RPS13: variants seen among roughly 807,000 people sequenced by gnomAD.
RPS13 encodes the protein ribosomal protein S13.
A neutral mutation model predicts 24.6 loss-of-function variants in RPS13; 1 was observed. The observed-to-expected ratio is 0.04, with a 90% confidence interval of 0.01 to 0.19. The LOEUF is 0.19. RPS13 is among the 10% of genes least tolerant of loss of function. RPS13 has a pLI of 1.00. For missense variants in RPS13, 88 were observed against 187.4 expected (o/e 0.47, Z 3.10); for synonymous variants, 69 against 65.3 (o/e 1.06, Z -0.27).
chr11:17,075,236 A>C (rs1447712308), intron 4 of RPS13, 39 bp from the exon 5 acceptor site: 1 of 1,380,114 alleles, frequency 7.2e-7, no homozygotes, highest in South Asian at 1.2e-5. Flanking sequence ...AAAACCACCC[A>C]AAATGACCTA....
rs919439622 is a variant in RPS13 at position 17,077,100 on chromosome 11, C to G, written c.151+68G>C. On this transcript the variant is annotated intron_variant, in intron 3 of 5. Coordinates refer to ENST00000525634, the MANE Select transcript of RPS13 (RefSeq NM_001017.3). ...TTTGGCTATTTTTAAAATAACTTTACCACCTACTAGATCCTACAAGTCACA... is the reference window on the plus strand; with the variant it reads ...TTTGGCTATTTTTAAAATAACTTTAGCACCTACTAGATCCTACAAGTCACA... 4 of 1,196,604 alleles carry G rather than the reference C, an allele frequency of 3.3e-6. No homozygotes were observed. The African/African-American group carries it at 6.0e-5, about 18-fold the overall frequency. The allele number at this position is 1,196,604 out of a possible 1,614,324, so 74.1% of individuals were successfully genotyped here.
intron 3 of RPS13, chr11:17,075,854 C>G (rs1437223401): frequency 1.6e-6 from 1 of 638,658 alleles, no homozygotes; most frequent in Non-Finnish European, 2.9e-6. Flanking sequence ...TGTTGGAAAA[C>G]CATCATCACA....
chr11:17,074,891 A>G lies in RPS13; in HGVS notation c.422+206T>C, dbSNP rs1848003041. 1.2e-5 allele frequency: 7 copies of G among 605,946 alleles called. No homozygotes were observed. The South Asian group carries it at 1.4e-4, about 12-fold the overall frequency. 37.5% of individuals were successfully genotyped at this position (605,946 alleles called of 1,614,324 possible). A position where few individuals can be genotyped will look rare whatever the true frequency, so the allele number is the denominator to read the frequency against. On this transcript the variant is annotated intron_variant, in intron 5 of 5. Transcript: ENST00000525634. ...GGCCCTCTGCTTGTCTTTATTAAAGACAAGCAGCCACACCCATTCGATTAT... is the reference window on the plus strand; with the variant it reads ...GGCCCTCTGCTTGTCTTTATTAAAGGCAAGCAGCCACACCCATTCGATTAT...
At chr11:17,077,362 G>T in intron 2 of RPS13, 67 bp downstream of exon 2, 2 of 1,588,806 alleles carry the variant, frequency 1.3e-6, no homozygotes, top group Non-Finnish European at 1.7e-6. Flanking sequence ...TCACCCTGGC[G>T]TCGCTTCACC....
In RPS13 at chr11:17,074,588, A is replaced by G. The variant is rs573441346; in HGVS notation, c.423-122T>C. 1.2e-5 allele frequency: 10 copies of G among 802,842 alleles called. No individual in the cohort carries two copies. The South Asian group carries it at 1.5e-4, about 12-fold the overall frequency. 49.7% of individuals were successfully genotyped at this position (802,842 alleles called of 1,614,324 possible). On this transcript the variant is annotated intron_variant, in intron 5 of 5. Transcript: ENST00000525634. The stretch of plus-strand genomic sequence containing the variant: ...AACAGTTAATAAATCCAAACTATAT[A>G]AAGTGCACCAAACTTCTGAATACCT...
chr11:17,076,615 A>G, intron 3 of RPS13: 1 of 384,452 alleles, frequency 2.6e-6, no homozygotes, highest in South Asian at 1.9e-5. Flanking sequence ...TGGCTTCATC[A>G]TAGCTCACTG....
In RPS13 at chr11:17,075,541, C is replaced by T. The variant is rs1848012715; in HGVS notation, c.234G>A (p.Lys78=). Residue 78 remains lysine (K), a synonymous_variant, in exon 4 of 6, where the codon AAG becomes AAA. Coordinates refer to ENST00000525634, the MANE Select transcript of RPS13 (RefSeq NM_001017.3). ...GNKILRILKS[K]GLAPDLPEDL... ...CTTCAGGAAGATCAGGAGCAAGTCC[C>T]TTAGACTTAAGAATTCTTAAAATTT... 5 of 1,608,736 alleles carry T rather than the reference C, an allele frequency of 3.1e-6. No individual in the cohort carries two copies. The highest frequency in any genetic ancestry group is 4.2e-6 in the Non-Finnish European group (5 of 1,177,420).
intron 5 of RPS13, 138 bp from the exon 6 acceptor site, chr11:17,074,604 C>T (rs1201976071): frequency 2.7e-6 from 2 of 735,566 alleles, no homozygotes; most frequent in South Asian, 3.0e-5. Flanking sequence ...CACCAAACTT[C>T]TGAATACCTG....
At chr11:17,074,686 A>G (rs1847998643) in intron 5 of RPS13, 2 of 702,094 alleles carry the variant, frequency 2.8e-6, no homozygotes, top group South Asian at 3.0e-5. Context: ...ACTGGCCAAC[A>G]TAAGGAAAAA....
chr11:17,074,693 A>G, intron 5 of RPS13: 1 of 700,116 alleles, frequency 1.4e-6, no homozygotes, highest in Non-Finnish European at 2.6e-6. Flanking sequence ...AACATAAGGA[A>G]AAACATTTCT....
At chr11:17,077,597 C>A (rs1848040093) in intron 1 of RPS13, 22 bp downstream of exon 1, 1 of 1,015,470 alleles carries the variant, frequency 9.8e-7, no homozygotes, top group Non-Finnish European at 1.4e-6. Context: ...CCCAGCAATC[C>A]GGCTTGATGC....
chr11:17,074,641 T>C (rs965451399), intron 5 of RPS13, 175 bp from the exon 6 acceptor site: 2 of 714,668 alleles, frequency 2.8e-6, no homozygotes, highest in East Asian at 2.7e-5. Flanking sequence ...TCAAGCACAA[T>C]GAATGAAGAT....
chr11:17,074,840 G>A, intron 5 of RPS13: 2 of 641,436 alleles, frequency 3.1e-6, no homozygotes, highest in Non-Finnish European at 5.7e-6. Flanking sequence ...GCTTATTCAT[G>A]GTCTAAATCT....
In RPS13 at chr11:17,077,608, C is replaced by T; in HGVS notation, c.23+11G>A. ...CCCGCCCAGCAATCCGGCTTGATGCCCCGAGCTCACCCGGGAGCATGCATG... is the reference window on the plus strand; with the variant it reads ...CCCGCCCAGCAATCCGGCTTGATGCTCCGAGCTCACCCGGGAGCATGCATG... On this transcript the variant is annotated intron_variant, in intron 1 of 5. Transcript: ENST00000525634. The T allele has an allele frequency of 6.9e-7, 1 of 1,441,078 alleles. No individual in the cohort carries two copies. Among genetic ancestry groups the T allele is most frequent in the Non-Finnish European group, 9.4e-7 (1 of 1,061,216 alleles). The allele number at this position is 1,441,078 out of a possible 1,614,324, so 89.3% of individuals were successfully genotyped here. A position where few individuals can be genotyped will look rare whatever the true frequency, so the allele number is the denominator to read the frequency against.
Position 17,075,487 on chromosome 11 carries a change from A to G in RPS13, c.288T>C (p.Val96=), listed in dbSNP as rs185336922. The part of the protein sequence containing the change: ...EDLYHLIKKA[V]AVRKHLERNR... ...TCCTCTCAAGATGCTTTCGAACAGC[A>G]ACTGCTTTCTTAATTAAATGGTAGA... Residue 96 remains valine (V), a synonymous_variant, in exon 4 of 6, where the codon GTT becomes GTC. Coordinates refer to ENST00000525634, the MANE Select transcript of RPS13 (RefSeq NM_001017.3). The G allele has an allele frequency of 2.4e-4, 386 of 1,586,818 alleles. 1 individual carries two copies. Among genetic ancestry groups the G allele is most frequent in the East Asian group, 6.0e-4 (27 of 44,736 alleles).
rs540969000 is a variant in RPS13, at chr11:17,075,707, T to C, written c.152-84A>G. The C allele has an allele frequency of 5.7e-4, 618 of 1,087,226 alleles. 2 individuals are homozygous for C. The highest frequency in any genetic ancestry group is 8.4e-4 in the South Asian group (62 of 73,728). The allele number at this position is 1,087,226 out of a possible 1,614,324, so 67.3% of individuals were successfully genotyped here. ...ATGTCAAGGCTCAGAAATCAGGGCA[T>C]AGTTTCCTATCTGTAAGATGGGGGT... On this transcript the variant is annotated intron_variant, in intron 3 of 5. Transcript: ENST00000525634.
Position 17,077,279 on chromosome 11 carries a change from G to C in RPS13, c.73-33C>G, listed in dbSNP as rs748725464. The C allele has an allele frequency of 8.8e-6, 14 of 1,598,620 alleles. No individual in the cohort carries two copies. The East Asian group carries it at 8.9e-5, about 10-fold the overall frequency. On this transcript the variant is annotated intron_variant, in intron 2 of 5. Transcript: ENST00000525634. The stretch of plus-strand genomic sequence containing the variant: ...GGAATAGAAAGCAGCCTTAGGATGA[G>C]AACCCAGGAATGGCGCCGCAGAACA...
chr11:17,075,279 C>G (rs1306263555), intron 4 of RPS13, 82 bp from the exon 5 acceptor site: 44 of 1,060,598 alleles, frequency 4.1e-5, no homozygotes, highest in Non-Finnish European at 5.7e-5. Context: ...GAATGTAGAG[C>G]TACCATGCAC....
chr11:17,077,528 C>T (rs375415351), intron 1 of RPS13, 51 bp from the exon 2 acceptor site: 85 of 1,613,008 alleles, frequency 5.3e-5, no homozygotes, highest in East Asian at 4.5e-4. Context: ...GCCAGAGCAG[C>T]CCAGAACATC....
Sources: gnomAD v4.1 joint callset for allele counts on GRCh38, gnomAD v4.1.1 for gene constraint, MANE v1.5 for transcripts, NCBI Gene and HGNC (gene_info 2026-07-23, HGNC 2026-07-21) for gene names.